Variants in CCBE1 observed in about 807,000 individuals in gnomAD.
CCBE1 encodes collagen and calcium-binding EGF domain-containing protein 1.
A neutral mutation model predicts 50.0 loss-of-function variants in CCBE1; 37 were observed. The ratio of observed to expected loss-of-function variants is 0.74; its 90% CI spans 0.57 to 0.97. The LOEUF (loss-of-function observed/expected upper bound fraction) is 0.97, where lower values mean the gene tolerates loss of function less well. Ranked by LOEUF, CCBE1 falls within the 50% of genes least tolerant of loss-of-function variation. CCBE1 has a pLI of 0.00. For synonymous variants in CCBE1, 234 were observed against 203.7 expected (o/e 1.15, Z -1.27); for missense variants, 538 against 523.8 (o/e 1.03, Z -0.26).
Position 59,432,659 on chromosome 18 carries a change from C to T in CCBE1, c.*3249G>A, listed in dbSNP as rs913190366. On this transcript the variant is annotated 3_prime_UTR_variant, in exon 11 of 11. Coordinates refer to ENST00000439986, the MANE Select transcript of CCBE1 (RefSeq NM_133459.4). ...GATTAAAAATTATTTTCTAAATTAA[C>T]TTGGTCCAGCAGATTGACATTATAA... 1 of 152,170 alleles carries T rather than the reference C, an allele frequency of 6.6e-6. No individual in the cohort carries two copies. The highest frequency in any genetic ancestry group is 1.5e-5 in the Non-Finnish European group (1 of 68,026). 9.4% of individuals were successfully genotyped at this position (152,170 alleles called of 1,614,324 possible).
At chr18:59,474,371 T>TTTATGAC (rs1912210022) in intron 3 of CCBE1, among the ~76,000 whole-genome samples, 1 of 152,208 alleles carries the variant, frequency 6.6e-6, no homozygotes, top group African/African-American at 2.4e-5. Flanking sequence ...AGTTTTATGA[T>TTTATGAC]TTTATGACAT....
intron 3 of CCBE1, among the ~76,000 whole-genome samples, chr18:59,473,007 C>T (rs936557355): frequency 6.6e-6 from 1 of 152,148 alleles, no homozygotes; most frequent in African/African-American, 2.4e-5. Context: ...TCAATTATCT[C>T]CACCTGGCCC....
chr18:59,490,531 A>G (rs771227984), intron 2 of CCBE1, among the ~76,000 whole-genome samples: 1 of 152,196 alleles, frequency 6.6e-6, no homozygotes, highest in Non-Finnish European at 1.5e-5. Flanking sequence ...CAATGGCTTC[A>G]GAAACTTCTG....
At chr18:59,460,375 A>G (rs1189503531) in intron 5 of CCBE1, among the ~76,000 whole-genome samples, 1 of 152,228 alleles carries the variant, frequency 6.6e-6, no homozygotes, top group Non-Finnish European at 1.5e-5. Flanking sequence ...TTCAGATCAC[A>G]TGTGGTTATA....
intron 2 of CCBE1, among the ~76,000 whole-genome samples, chr18:59,665,512 A>T (rs1056802434): frequency 2.0e-5 from 3 of 152,240 alleles, no homozygotes; most frequent in African/African-American, 4.8e-5. Flanking sequence ...GGTACACCAC[A>T]TCATTTTAAC....
chr18:59,574,224 G>A (rs1453486403), intron 2 of CCBE1, among the ~76,000 whole-genome samples: 1 of 152,244 alleles, frequency 6.6e-6, no homozygotes, highest in East Asian at 1.9e-4. Flanking sequence ...AGACCACAGT[G>A]ATTCTGAAAC....
intron 2 of CCBE1, among the ~76,000 whole-genome samples, chr18:59,521,009 T>C (rs1339170355): frequency 2.6e-5 from 4 of 152,262 alleles, no homozygotes; most frequent in Non-Finnish European, 5.9e-5. Context: ...AATGATATTC[T>C]CTGAATGCTG....
chr18:59,656,238 A>G (rs896673057), intron 2 of CCBE1, among the ~76,000 whole-genome samples: 10 of 152,260 alleles, frequency 6.6e-5, no homozygotes, highest in Admixed American at 4.6e-4. Flanking sequence ...AGGATGGGGT[A>G]AGATTTCTGA....
intron 2 of CCBE1, among the ~76,000 whole-genome samples, chr18:59,529,072 C>T (rs1914943956): frequency 6.6e-6 from 1 of 152,248 alleles, no homozygotes; most frequent in South Asian, 2.1e-4. Flanking sequence ...GGGGAAGAGA[C>T]TAAGTCTGCT....
chr18:59,497,589 C>T lies in CCBE1; in HGVS notation c.213-17351G>A, dbSNP rs972652703. ...AAGGCCACAGAAAAGCATGCAGAGG[C>T]GCTGGTTATCTCAGCCTAGGGACAC... On this transcript the variant is annotated intron_variant, in intron 2 of 10. Coordinates refer to ENST00000439986, the MANE Select transcript of CCBE1 (RefSeq NM_133459.4). Among the ~76,000 whole-genome samples the T allele has an allele frequency of 4.6e-5, 7 of 152,136 alleles. No homozygotes were observed. The South Asian group carries it at 8.3e-4, about 18-fold the overall frequency.
chr18:59,538,305 G>A (rs1389458288), intron 2 of CCBE1, among the ~76,000 whole-genome samples: 2 of 152,276 alleles, frequency 1.3e-5, no homozygotes, highest in East Asian at 3.9e-4. Flanking sequence ...ATGCACATTT[G>A]TTTCCTCTTA....
At chr18:59,611,056 C>T (rs2053562644) in intron 2 of CCBE1, among the ~76,000 whole-genome samples, 2 of 152,232 alleles carry the variant, frequency 1.3e-5, no homozygotes, top group African/African-American at 4.8e-5. Context: ...AGGAAATTAA[C>T]CTGTCTGCAA....
chr18:59,586,999 A>G (rs2053187737), intron 2 of CCBE1, among the ~76,000 whole-genome samples: 2 of 152,240 alleles, frequency 1.3e-5, no homozygotes, highest in Admixed American at 6.5e-5. Context: ...GAAACCGTGA[A>G]CATGGAAATA....
rs771950874 is a variant in CCBE1 at position 59,435,838 on chromosome 18, T to G, written c.*70A>C. On this transcript the variant is annotated 3_prime_UTR_variant, in exon 11 of 11. Transcript: ENST00000439986. ...TTTCTAGGTCTCCAGTGGTCTTTCT[T>G]CTCTTTAGATGGTTTAACTGCAGGT... 1.5e-6 allele frequency: 2 copies of G among 1,371,598 alleles called. No homozygotes were observed. The highest frequency in any genetic ancestry group is 2.9e-5 in the African/African-American group (2 of 69,964). The allele number at this position is 1,371,598 out of a possible 1,614,324, so 85.0% of individuals were successfully genotyped here.
At chr18:59,692,955 A>AGC (rs1491402129) in intron 2 of CCBE1, among the ~76,000 whole-genome samples, 2 of 143,084 alleles carry the variant, frequency 1.4e-5, no homozygotes, top group African/African-American at 5.4e-5. Flanking sequence ...GTCAAGCCAA[A>AGC]GCACACACAC....
chr18:59,512,515 C>G (rs148709435), intron 2 of CCBE1, among the ~76,000 whole-genome samples: 40 of 152,252 alleles, frequency 2.6e-4, no homozygotes, highest in Non-Finnish European at 5.0e-4. Flanking sequence ...CCACTGCCCT[C>G]AACTCATCCA....
Position 59,583,696 on chromosome 18 carries a change from C to T in CCBE1, c.213-103458G>A, listed in dbSNP as rs1294504087. ...GTGTGTGTGTGCGCGCGCGCGCGCGCGCGCGTGTGTGTGTATGTCTGCGAC... is the reference window on the plus strand; with the variant it reads ...GTGTGTGTGTGCGCGCGCGCGCGCGTGCGCGTGTGTGTGTATGTCTGCGAC... On this transcript the variant is annotated intron_variant, in intron 2 of 10. Transcript: ENST00000439986. Among the ~76,000 whole-genome samples the T allele has an allele frequency of 3.2e-4, 42 of 131,774 alleles. 1 individual carries two copies. Among genetic ancestry groups the T allele is most frequent in the Admixed American group, 2.0e-3 (26 of 12,718 alleles). The allele number at this position is 131,774 out of a possible 152,430, so 86.4% of individuals were successfully genotyped here.
At chr18:59,523,713 G>A (rs986682111) in intron 2 of CCBE1, among the ~76,000 whole-genome samples, 2 of 151,958 alleles carry the variant, frequency 1.3e-5, no homozygotes, top group South Asian at 2.1e-4. Flanking sequence ...AATGTTAAAC[G>A]CTTGGAGATT....
At chr18:59,575,940 C>A (rs982235283) in intron 2 of CCBE1, among the ~76,000 whole-genome samples, 6 of 152,212 alleles carry the variant, frequency 3.9e-5, no homozygotes, top group African/African-American at 1.2e-4. Context: ...TCCCACATGT[C>A]CCTTTAGTTA....
Sources: allele counts gnomAD v4.1 joint callset (sites outside exome capture counted in the v4.1 genomes callset), GRCh38; gene constraint gnomAD v4.1.1; transcripts MANE v1.5; gene names NCBI Gene and HGNC (gene_info 2026-07-23, HGNC 2026-07-21).